The following SRP54 variants were observed in gnomAD, a reference collection of about 807,000 sequenced individuals.
SRP54 encodes the protein signal recognition particle 54, also known as signal recognition particle subunit SRP54.
A neutral mutation model predicts 64.8 loss-of-function variants in SRP54; 10 were observed. That is an observed-to-expected ratio of 0.15 (90% CI 0.10 to 0.26). The LOEUF (loss-of-function observed/expected upper bound fraction) is 0.26. SRP54 is among the 10% of genes least tolerant of loss of function. The pLI, the probability that SRP54 is intolerant of heterozygous loss-of-function variation, is 1.00. For missense variants in SRP54, 325 were observed against 613.7 expected (o/e 0.53, Z 4.97); for synonymous variants, 193 against 185.6 (o/e 1.04, Z -0.32).
At chr14:34,997,440 A>G (rs754663298) in intron 2 of SRP54, among the ~76,000 whole-genome samples, 36 of 152,220 alleles carry the variant, frequency 2.4e-4, no homozygotes, top group Non-Finnish European at 4.4e-4. Context: ...ACAATGGAAA[A>G]GTACTGAATT....
chr14:34,996,678 G>A lies in SRP54; in HGVS notation c.-32G>A. The A allele has an allele frequency of 6.6e-7, 1 of 1,507,798 alleles. No individual in the cohort carries two copies. Among genetic ancestry groups the A allele is most frequent in the Non-Finnish European group, 9.2e-7 (1 of 1,083,250 alleles). 93.4% of individuals were successfully genotyped at this position (1,507,798 alleles called of 1,614,324 possible). A position where few individuals can be genotyped will look rare whatever the true frequency, so the allele number is the denominator to read the frequency against. ...CACTTAATTTTTTTTCTGCTGTAGA[G>A]TTCTTCGTAAGTACATCTTAAAGCT... On this transcript the variant is annotated splice_region_variant and 5_prime_UTR_variant, in exon 2 of 16. Coordinates refer to ENST00000216774, the MANE Select transcript of SRP54 (RefSeq NM_003136.4).
intron 1 of SRP54, among the ~76,000 whole-genome samples, chr14:34,984,431 C>T (rs1262684508): frequency 6.6e-6 from 1 of 152,166 alleles, no homozygotes; most frequent in Non-Finnish European, 1.5e-5. Context: ...AGGCTCTCCT[C>T]GAGGCTTCTC....
chr14:34,991,109 C>CTTTTTTTTT (rs71435838), intron 1 of SRP54, among the ~76,000 whole-genome samples: 26 of 111,030 alleles, frequency 2.3e-4, no homozygotes, highest in South Asian at 9.5e-4. Flanking sequence ...AATTTCTTTT[C>CTTTTTTTTT]TTTTTTTTTT....
At chr14:35,014,550 G>A (rs551245264) in intron 10 of SRP54, among the ~76,000 whole-genome samples, 194 bp from the exon 11 acceptor site, 2 of 152,184 alleles carry the variant, frequency 1.3e-5, no homozygotes, top group South Asian at 4.2e-4. Context: ...AAAGTGCTGG[G>A]ATTACAGGCA....
At chr14:34,991,739 G>T (rs558073642) in intron 1 of SRP54, among the ~76,000 whole-genome samples, 1 of 148,582 alleles carries the variant, frequency 6.7e-6, no homozygotes, top group East Asian at 2.0e-4. Flanking sequence ...GGGGTGGGGG[G>T]TGGAGGGGGC....
In SRP54 at chr14:35,013,390, G is replaced by A; in HGVS notation, c.681G>A (p.Gln227=). 1 of 1,614,128 alleles carries A rather than the reference G, an allele frequency of 6.2e-7. No individual in the cohort carries two copies. The change falls in exon 9 of 16, where the codon CAG becomes CAA. Residue 227 remains glutamine (Q), a synonymous_variant. Coordinates refer to ENST00000216774, the MANE Select transcript of SRP54 (RefSeq NM_003136.4). ...IVYVMDASIG[Q]ACEAQAKAFK... ...ATGTGATGGATGCCTCCATTGGGCA[G>A]GCTTGTGAAGCCCAGGCTAAGGCTT...
chr14:34,999,633 C>G lies in SRP54; in HGVS notation c.154C>G (p.Leu52Val). Reference protein sequence around the residue: ...ADVNIKLVKQLRENVKSAIDL... With the variant: ...ADVNIKLVKQVRENVKSAIDL... ...TGTTAATATTAAACTAGTGAAGCAA[C>G]TAAGAGAAAATGTTAAGTAAGTTAA... Residue 52 changes from leucine (L) to valine (V), a missense_variant, in exon 3 of 16, where the codon CTA becomes GTA. Around this residue, in one of 3 missense-constraint regions of SRP54, gnomAD observed 156 missense variants for 254.6 expected, o/e 0.61. Transcript: ENST00000216774. The G allele has an allele frequency of 6.2e-7, 1 of 1,612,024 alleles. No individual in the cohort carries two copies. Among genetic ancestry groups the G allele is most frequent in the South Asian group, 1.1e-5 (1 of 91,016 alleles).
chr14:34,998,965 T>TTGTGTGTG (rs1203724098), intron 2 of SRP54, among the ~76,000 whole-genome samples: 4 of 121,774 alleles, frequency 3.3e-5, no homozygotes, highest in Non-Finnish European at 7.5e-5. Context: ...TATTATTACT[T>TTGTGTGTG]TGTGTGTATG....
chr14:34,989,889 T>C (rs1292051039), intron 1 of SRP54, among the ~76,000 whole-genome samples: 2 of 152,178 alleles, frequency 1.3e-5, no homozygotes, highest in Admixed American at 6.5e-5. Context: ...GGTAACTACC[T>C]TGGTAATGGT....
chr14:34,985,337 A>G (rs181064560), intron 1 of SRP54, among the ~76,000 whole-genome samples: 1 of 152,306 alleles, frequency 6.6e-6, no homozygotes, highest in East Asian at 1.9e-4. Context: ...CTGACTTTCA[A>G]ACCACCTTCC....
intron 1 of SRP54, among the ~76,000 whole-genome samples, chr14:34,987,825 T>C (rs2043922447): frequency 6.6e-6 from 1 of 152,230 alleles, no homozygotes; most frequent in Non-Finnish European, 1.5e-5. Context: ...TACTTGTTTT[T>C]AGACTGTGTT....
chr14:35,015,064 C>T (rs1484960178), intron 11 of SRP54, among the ~76,000 whole-genome samples: 5 of 152,008 alleles, frequency 3.3e-5, no homozygotes, highest in Admixed American at 6.6e-5. Context: ...ATAAGGCTTT[C>T]ACTAGGTTCC....
At chr14:34,988,011 T>C (rs1298320103) in intron 1 of SRP54, among the ~76,000 whole-genome samples, 1 of 152,166 alleles carries the variant, frequency 6.6e-6, no homozygotes, top group Non-Finnish European at 1.5e-5. Flanking sequence ...TTAATATACC[T>C]AGAAAATACA....
chr14:35,022,571 G>T (rs770645056), intron 13 of SRP54, among the ~76,000 whole-genome samples: 1 of 152,076 alleles, frequency 6.6e-6, no homozygotes, highest in Non-Finnish European at 1.5e-5. Context: ...TGGCCAGGCT[G>T]GTGTCGAACT....
At chr14:34,984,908 CTTTT>C (rs34789836) in intron 1 of SRP54, among the ~76,000 whole-genome samples, 2 of 141,508 alleles carry the variant, frequency 1.4e-5, no homozygotes, top group African/African-American at 2.6e-5. Context: ...CTTCACCTTC[CTTTT>C]TTTTTTTTTT....
intron 14 of SRP54, among the ~76,000 whole-genome samples, chr14:35,024,831 A>T (rs780973922): frequency 6.6e-6 from 1 of 151,968 alleles, no homozygotes; most frequent in Non-Finnish European, 1.5e-5. Context: ...GGTTCAAGCT[A>T]TTCTCCTGCC....
rs185011787 is a variant in SRP54, at chr14:34,985,076, A to G, written c.-34+1861A>G. On this transcript the variant is annotated intron_variant, in intron 1 of 15. Transcript: ENST00000216774. ...CTGTGAGCAATGGCTCACGCCTGTA[A>G]TCCCAATACTTTGGGAGGCTGAGGC... Among the ~76,000 whole-genome samples the G allele has an allele frequency of 1.9e-3, 282 of 152,270 alleles. 3 individuals are homozygous for G. The highest frequency in any genetic ancestry group is 6.6e-3 in the African/African-American group (275 of 41,570).
intron 1 of SRP54, among the ~76,000 whole-genome samples, chr14:34,992,098 A>C (rs565262168): frequency 6.6e-6 from 1 of 152,024 alleles, no homozygotes; most frequent in Middle Eastern, 3.2e-3. Context: ...AAGCCTGGCT[A>C]ATTTTTGTGT....
chr14:35,028,126 G>A lies in SRP54; in HGVS notation c.1366G>A (p.Ala456Thr). The A allele has an allele frequency of 6.2e-7, 1 of 1,613,128 alleles. No individual in the cohort carries two copies. The highest frequency in any genetic ancestry group is 8.5e-7 in the Non-Finnish European group (1 of 1,179,530). ...MSKNVSQSQM[A>T]KLNQQMAKMM... ...TAAGAATGTGAGCCAGTCACAGATG[G>A]CAAAATTGAACCAACAAATGGCCAA... is the stretch of plus-strand genomic sequence containing the variant. Residue 456 changes from alanine (A) to threonine (T), a missense_variant, in exon 15 of 16, where the codon GCA (alanine) becomes ACA (threonine). Physicochemically the swap from Ala to Thr is moderately conservative, Grantham distance 58. Around this residue, in one of 3 missense-constraint regions of SRP54, gnomAD observed 146 missense variants for 337.4 expected, o/e 0.43. Coordinates refer to ENST00000216774, the MANE Select transcript of SRP54 (RefSeq NM_003136.4).
Sources: gnomAD v4.1 joint callset for allele counts (sites outside exome capture counted in the v4.1 genomes callset) on GRCh38, gnomAD v4.1.1 for gene constraint, gnomAD v4.1.1 regional missense constraint, MANE v1.5 for transcripts, NCBI Gene and HGNC (gene_info 2026-07-23, HGNC 2026-07-21) for gene names.